Variants in THSD7A observed in about 807,000 individuals in gnomAD.
THSD7A encodes thrombospondin type 1 domain containing 7A.
A neutral mutation model predicts 231.3 loss-of-function variants in THSD7A; 96 were observed. That is an observed-to-expected ratio of 0.41 (90% CI 0.35 to 0.49). The LOEUF is 0.49. Ranked by LOEUF, THSD7A falls within the 20% of genes least tolerant of loss-of-function variation. THSD7A has a pLI of 0.05. For missense variants in THSD7A, 2,290 were observed against 2,070.2 expected, an observed-to-expected ratio of 1.11 and a Z score of -2.06; for synonymous variants, 940 against 743.3, an observed-to-expected ratio of 1.26 and a Z score of -4.30.
At chr7:11,779,173 G>C (rs993336925) in intron 1 of THSD7A, among the ~76,000 whole-genome samples, 11 of 152,204 alleles carry the variant, frequency 7.2e-5, no homozygotes, top group Admixed American at 5.2e-4. Context: ...AATATATCAA[G>C]CTCTTTTAAT....
At chr7:11,521,907 A>G (rs1788283489) in intron 6 of THSD7A, among the ~76,000 whole-genome samples, 1 of 152,076 alleles carries the variant, frequency 6.6e-6, no homozygotes, top group South Asian at 2.1e-4. Context: ...AGAGCATCTT[A>G]GAATATGTTT....
At chr7:11,629,921 T>C (rs1460085673) in intron 2 of THSD7A, among the ~76,000 whole-genome samples, 3 of 152,192 alleles carry the variant, frequency 2.0e-5, no homozygotes, top group Non-Finnish European at 2.9e-5. Flanking sequence ...CTCTACCTCA[T>C]CATTGCCTAT....
At chr7:11,433,667 C>T (rs906945348) in intron 13 of THSD7A, among the ~76,000 whole-genome samples, 2 of 151,912 alleles carry the variant, frequency 1.3e-5, no homozygotes, top group Non-Finnish European at 2.9e-5. Context: ...AACCTCTAGG[C>T]TTTTTTAGCT....
chr7:11,511,732 T>C (rs1017844340), intron 6 of THSD7A, among the ~76,000 whole-genome samples: 7 of 152,238 alleles, frequency 4.6e-5, no homozygotes, highest in Non-Finnish European at 7.3e-5. Context: ...GCTAGCCATA[T>C]GTAGAAAGCT....
chr7:11,799,564 T>C (rs891100066), intron 1 of THSD7A, among the ~76,000 whole-genome samples: 25 of 152,194 alleles, frequency 1.6e-4, no homozygotes, highest in Non-Finnish European at 3.1e-4. Flanking sequence ...TTTTCATCAA[T>C]CTTCTTAAAT....
intron 23 of THSD7A, among the ~76,000 whole-genome samples, 157 bp downstream of exon 23, chr7:11,401,638 C>T (rs1014452000): frequency 3.9e-5 from 6 of 152,178 alleles, no homozygotes; most frequent in Non-Finnish European, 7.4e-5. Context: ...CTCACAACTC[C>T]TGGCCTCAGG....
At chr7:11,677,584 CAAAAAAAAAAAAAA>C (rs553030554) in intron 1 of THSD7A, among the ~76,000 whole-genome samples, 75 of 22,276 alleles carry the variant, frequency 3.4e-3, no homozygotes, top group African/African-American at 0.016. Context: ...AAATGGAAAG[CAAAAAAAAAAAAAA>C]AAAAAAAAAA....
chr7:11,470,178 C>T (rs1426359141), intron 8 of THSD7A, among the ~76,000 whole-genome samples, 184 bp from the exon 9 acceptor site: 3 of 152,018 alleles, frequency 2.0e-5, no homozygotes, highest in Non-Finnish European at 2.9e-5. Context: ...TGTTTCAAAC[C>T]GGACCTCAAT....
chr7:11,763,435 T>C (rs2128168964), intron 1 of THSD7A, among the ~76,000 whole-genome samples: 1 of 152,352 alleles, frequency 6.6e-6, no homozygotes, highest in East Asian at 1.9e-4. Flanking sequence ...TACATTGTTT[T>C]ATCTGTGCAT....
At chr7:11,756,673 G>A (rs889800775) in intron 1 of THSD7A, among the ~76,000 whole-genome samples, 3 of 152,062 alleles carry the variant, frequency 2.0e-5, no homozygotes, top group Non-Finnish European at 4.4e-5. Context: ...CAAGTAGGTT[G>A]CATGGATTTG....
chr7:11,804,978 C>A (rs1209588216), intron 1 of THSD7A, among the ~76,000 whole-genome samples: 2 of 152,050 alleles, frequency 1.3e-5, no homozygotes, highest in Non-Finnish European at 2.9e-5. Flanking sequence ...ATATTTTCTA[C>A]CAATTCTGAG....
At chr7:11,399,575 G>A (rs928248774) in intron 23 of THSD7A, among the ~76,000 whole-genome samples, 2 of 152,110 alleles carry the variant, frequency 1.3e-5, no homozygotes, top group South Asian at 4.2e-4. Flanking sequence ...CATCATCACT[G>A]GCCATCAGAG....
At chr7:11,785,962 A>G (rs1320641672) in intron 1 of THSD7A, among the ~76,000 whole-genome samples, 11 of 152,054 alleles carry the variant, frequency 7.2e-5, no homozygotes. Flanking sequence ...CTCATTTCCT[A>G]TTTCAATCTG....
intron 6 of THSD7A, among the ~76,000 whole-genome samples, chr7:11,489,331 C>G (rs750482494): frequency 3.1e-4 from 47 of 152,104 alleles, no homozygotes; most frequent in Non-Finnish European, 5.7e-4. Flanking sequence ...CTTGATTAAG[C>G]ATTAGGCAGA....
intron 1 of THSD7A, among the ~76,000 whole-genome samples, chr7:11,667,713 T>A (rs969102706): frequency 1.3e-5 from 2 of 152,160 alleles, no homozygotes; most frequent in Admixed American, 6.6e-5. Context: ...TGCATCTATA[T>A]ATAAATGTAT....
intron 1 of THSD7A, among the ~76,000 whole-genome samples, chr7:11,724,488 C>A (rs895175266): frequency 1.3e-4 from 20 of 151,786 alleles, no homozygotes; most frequent in African/African-American, 3.9e-4. Flanking sequence ...TACTGTGGAT[C>A]AAGACCTAGG....
chr7:11,831,932 G>T lies in THSD7A; in HGVS notation c.15C>A (p.Ala5=). 1 of 1,235,090 alleles carries T rather than the reference G, an allele frequency of 8.1e-7. No individual in the cohort carries two copies. The highest frequency in any genetic ancestry group is 1.0e-6 in the Non-Finnish European group (1 of 992,380). The allele number at this position is 1,235,090 out of a possible 1,614,324, so 76.5% of individuals were successfully genotyped here. The change falls in exon 1 of 28, where the codon GCC becomes GCA. Residue 5 remains alanine, a synonymous_variant. Transcript: ENST00000423059. The surrounding 1 kb of genome is among the most constrained non-coding windows in gnomAD (Gnocchi z 5.0). ...CCCGGCTCCCGGACGCCCAGCGCCT[G>T]GCTTGCAGCCCCATGCCGCCTGCAG... is the stretch of plus-strand genomic sequence containing the variant. MGLQ[A]RRWASGSRGA...
At chr7:11,812,418 T>C (rs562085937) in intron 1 of THSD7A, among the ~76,000 whole-genome samples, 2 of 152,218 alleles carry the variant, frequency 1.3e-5, no homozygotes, top group African/African-American at 2.4e-5. Context: ...TGAAACAATA[T>C]GGGAATATAC....
At chr7:11,564,853 G>A (rs1790236885) in intron 4 of THSD7A, among the ~76,000 whole-genome samples, 1 of 151,992 alleles carries the variant, frequency 6.6e-6, no homozygotes, top group Admixed American at 6.6e-5. Flanking sequence ...TTCTCTCACT[G>A]ACCTTGTTTC....
Sources: allele counts gnomAD v4.1 joint callset (sites outside exome capture counted in the v4.1 genomes callset), GRCh38; gene constraint gnomAD v4.1.1; non-coding constraint Gnocchi (gnomAD v3.1); transcripts MANE v1.5; gene names NCBI Gene and HGNC (gene_info 2026-07-23, HGNC 2026-07-21).